The following SYT1 variants were observed in gnomAD, a reference collection of about 807,000 sequenced individuals.
The protein encoded by SYT1 is synaptotagmin 1, also known as synaptotagmin-1.
Under a neutral mutation model 44.8 loss-of-function variants are expected in SYT1, and 8 were observed. That is an observed-to-expected ratio of 0.18 (90% confidence interval 0.10 to 0.32). The LOEUF (loss-of-function observed/expected upper bound fraction) is 0.32. Ranked by LOEUF, SYT1 falls within the 10% of genes least tolerant of loss-of-function variation. The pLI, the probability that SYT1 is intolerant of heterozygous loss-of-function variation, is 1.00. For synonymous variants in SYT1, 154 were observed against 188.8 expected (o/e 0.82, Z 1.51); for missense variants, 286 against 509.3 (o/e 0.56, Z 4.22).
chr12:79,162,298 A>G (rs147205099), intron 3 of SYT1, among the ~76,000 whole-genome samples: 6 of 152,158 alleles, frequency 3.9e-5, no homozygotes, highest in Non-Finnish European at 7.4e-5. Flanking sequence ...CCTCCCATTG[A>G]TAATGTGACT....
chr12:78,929,444 A>AAAAAAAAAAAAAAAAAAAAT (rs1877507283), intron 1 of SYT1, among the ~76,000 whole-genome samples: 1 of 146,164 alleles, frequency 6.8e-6, no homozygotes, highest in Non-Finnish European at 1.5e-5. Flanking sequence ...AAAAAAAAAA[A>AAAAAAAAAAAAAAAAAAAAT]AAGGTTATTA....
intron 4 of SYT1, among the ~76,000 whole-genome samples, chr12:79,270,852 G>C (rs1046339041): frequency 9.8e-5 from 15 of 152,312 alleles, no homozygotes; most frequent in African/African-American, 3.6e-4. Context: ...GGCTATGTGG[G>C]TTTCCTTCAA....
intron 1 of SYT1, among the ~76,000 whole-genome samples, chr12:78,969,624 G>A (rs1291236325): frequency 6.6e-6 from 1 of 152,280 alleles, no homozygotes; most frequent in East Asian, 1.9e-4. Flanking sequence ...GGAAGGAGTA[G>A]CATGACTTAT....
chr12:78,901,208 T>C (rs1207241380), intron 1 of SYT1, among the ~76,000 whole-genome samples: 3 of 152,152 alleles, frequency 2.0e-5, no homozygotes, highest in African/African-American at 7.2e-5. Context: ...TATCATGAAA[T>C]GTTTCATGAT....
At chr12:79,160,446 A>T (rs1870879411) in intron 3 of SYT1, among the ~76,000 whole-genome samples, 1 of 152,172 alleles carries the variant, frequency 6.6e-6, no homozygotes, top group Non-Finnish European at 1.5e-5. Flanking sequence ...CTAAGAAGTT[A>T]TGTTCACGTG....
intron 1 of SYT1, among the ~76,000 whole-genome samples, chr12:78,872,090 T>C (rs1444603451): frequency 6.6e-6 from 1 of 151,934 alleles, no homozygotes; most frequent in Non-Finnish European, 1.5e-5. Flanking sequence ...TAAATTATAA[T>C]GTTAAATTTA....
chr12:79,255,192 T>G (rs942748687), intron 4 of SYT1, among the ~76,000 whole-genome samples: 1 of 152,142 alleles, frequency 6.6e-6, no homozygotes, highest in Non-Finnish European at 1.5e-5. Context: ...TTTAAGAAAT[T>G]GCCACAGCCA....
rs554512944 is a variant in SYT1 at position 78,893,024 on chromosome 12, C to T, written c.-217+27915C>T. On this transcript the variant is annotated intron_variant, in intron 1 of 10. Transcript: ENST00000261205. ...CCAAATAAGTTGATCTACTGCTGGC[C>T]TTTGCCATCAAAAATATTTACCAAT... Among the ~76,000 whole-genome samples the T allele has an allele frequency of 1.7e-3, 265 of 151,924 alleles. 2 individuals are homozygous for T. Among genetic ancestry groups the T allele is most frequent in the African/African-American group, 6.2e-3 (258 of 41,524 alleles).
At chr12:79,137,162 C>T (rs1869246967) in intron 3 of SYT1, among the ~76,000 whole-genome samples, 1 of 151,684 alleles carries the variant, frequency 6.6e-6, no homozygotes, top group African/African-American at 2.4e-5. Flanking sequence ...ATGGTGCAAT[C>T]TCGGCTCACT....
At chr12:79,417,962 T>C (rs1350309087) in intron 9 of SYT1, among the ~76,000 whole-genome samples, 1 of 152,006 alleles carries the variant, frequency 6.6e-6, no homozygotes. Context: ...TGGGAACACA[T>C]ATTGAAGACA....
At chr12:78,945,584 T>C (rs544422299) in intron 1 of SYT1, among the ~76,000 whole-genome samples, 2 of 152,154 alleles carry the variant, frequency 1.3e-5, no homozygotes, top group Non-Finnish European at 2.9e-5. Context: ...CTCCCTCCTC[T>C]GTTCAGAAAA....
chr12:79,119,109 A>G lies in SYT1; in HGVS notation c.-18+71747A>G, dbSNP rs564388236. On this transcript the variant is annotated intron_variant, in intron 3 of 10. Transcript: ENST00000261205. Reference sequence around the variant, plus strand: ...TATTCCTACAAATTTTATCTCCTCTATAATGTACAAAAGCAACTAGAGAAT... The same window carrying G: ...TATTCCTACAAATTTTATCTCCTCTGTAATGTACAAAAGCAACTAGAGAAT... Among the ~76,000 whole-genome samples, 27 of 152,172 alleles carry G rather than the reference A, an allele frequency of 1.8e-4. No homozygotes were observed. In the South Asian group the frequency reaches 5.6e-3, roughly 32 times the overall value.
At position 78,940,176 on chromosome 12, in the gene SYT1, A is replaced by ATT. The variant is rs527578739; in HGVS notation, c.-216-37614_-216-37613dup. ...ACTACTCAAAAAATGCTGGTTGATG[A>ATT]TTTTTTTTTTCTAAATCTGGTTGAA... On this transcript the variant is annotated intron_variant, in intron 1 of 10. Coordinates refer to ENST00000261205, the MANE Select transcript of SYT1 (RefSeq NM_005639.3). 2.4e-3 allele frequency among the ~76,000 whole-genome samples: 366 copies of ATT among 150,390 alleles called. 4 individuals carry two copies. The highest frequency in any genetic ancestry group is 8.5e-3 in the African/African-American group (348 of 40,996).
intron 4 of SYT1, among the ~76,000 whole-genome samples, chr12:79,239,379 G>A (rs566092355): frequency 1.3e-5 from 2 of 152,216 alleles, no homozygotes; most frequent in African/African-American, 4.8e-5. Flanking sequence ...AGAAGCCAAC[G>A]GACACATGAC....
chr12:79,194,214 C>G (rs1253283454), intron 3 of SYT1, among the ~76,000 whole-genome samples: 5 of 151,996 alleles, frequency 3.3e-5, no homozygotes, highest in Non-Finnish European at 7.4e-5. Context: ...GATCACCACA[C>G]TTGGTTTGAA....
At chr12:79,192,549 G>A (rs191706801) in intron 3 of SYT1, among the ~76,000 whole-genome samples, 175 of 152,238 alleles carry the variant, frequency 1.1e-3, no homozygotes, top group African/African-American at 4.0e-3. Flanking sequence ...GTTTACTATC[G>A]TTAATATCTA....
At chr12:79,338,729 G>A (rs899676501) in intron 8 of SYT1, among the ~76,000 whole-genome samples, 1 of 131,140 alleles carries the variant, frequency 7.6e-6, no homozygotes, top group Non-Finnish European at 1.6e-5. Flanking sequence ...GTGCAGGTTT[G>A]TTACATATGT....
chr12:79,030,873 T>G (rs1476128699), intron 2 of SYT1, among the ~76,000 whole-genome samples: 1 of 150,972 alleles, frequency 6.6e-6, no homozygotes. Context: ...ACATTGTCTT[T>G]AAATAATGAT....
chr12:79,006,391 T>C (rs1033907470), intron 2 of SYT1, among the ~76,000 whole-genome samples: 1 of 152,116 alleles, frequency 6.6e-6, no homozygotes, highest in African/African-American at 2.4e-5. Context: ...TCCCATAATA[T>C]GTTGTCATTG....
Sources: gnomAD v4.1 joint callset for allele counts (sites outside exome capture counted in the v4.1 genomes callset) on GRCh38, gnomAD v4.1.1 for gene constraint, MANE v1.5 for transcripts, NCBI Gene and HGNC (gene_info 2026-07-23, HGNC 2026-07-21) for gene names.